Variants in PAF1 observed in about 807,000 individuals in gnomAD.
PAF1 encodes the protein RNA polymerase II-associated factor 1 homolog.
PAF1 carries 31 observed loss-of-function variants against 68.4 expected under a neutral mutation model. The observed-to-expected ratio is 0.45, with a 90% confidence interval of 0.34 to 0.61. The LOEUF is 0.61. PAF1 is among the 20% of genes least tolerant of loss of function. The pLI, the probability that PAF1 is intolerant of heterozygous loss-of-function variation, is 0.01. For missense variants in PAF1, 435 were observed against 692.9 expected (o/e 0.63, Z 4.18); for synonymous variants, 256 against 240.5 (o/e 1.06, Z -0.60).
Position 39,389,957 on chromosome 19 carries a change from G to A in PAF1, c.170+112C>T, listed in dbSNP as rs1280419415. ...TTAACAATTGAGCAGCTACTACTATGTGCTAGGGTAGGTACTGTGCTAGGC... is the reference window on the plus strand; with the variant it reads ...TTAACAATTGAGCAGCTACTACTATATGCTAGGGTAGGTACTGTGCTAGGC... On this transcript the variant is annotated intron_variant, in intron 3 of 13. Coordinates refer to ENST00000221265, the MANE Select transcript of PAF1 (RefSeq NM_019088.4). The surrounding 1 kb of genome is among the most constrained non-coding windows in gnomAD (Gnocchi z 5.3). The A allele has an allele frequency of 5.7e-6, 6 of 1,061,730 alleles. No homozygotes were observed. Among genetic ancestry groups the A allele is most frequent in the Non-Finnish European group, 8.7e-6 (6 of 691,620 alleles). The allele number at this position is 1,061,730 out of a possible 1,614,324, so 65.8% of individuals were successfully genotyped here. A position where few individuals can be genotyped will look rare whatever the true frequency, so the allele number is the denominator to read the frequency against.
At position 39,388,594 on chromosome 19, in the gene PAF1, G is replaced by C. The variant is rs1232388397; in HGVS notation, c.823C>G (p.Gln275Glu). The change falls in exon 10 of 14, where the codon CAG becomes GAG. Residue 275 changes from glutamine to glutamate, a missense_variant. This residue lies in a region of PAF1 where 151 missense variants were observed against 306.3 expected (regional missense o/e 0.49). Coordinates refer to ENST00000221265, the MANE Select transcript of PAF1 (RefSeq NM_019088.4). ...GGTGCATAGTCCATCTCCTCCTCCT[G>C]GTCCCGCTTTCGTTTCTTCAACGTC... ...EETLKKRKRD[Q>E]EEEMDYAPDD... is the part of the protein sequence containing the mutation. The C allele has an allele frequency of 6.2e-7, 1 of 1,613,974 alleles. No homozygotes were observed. The highest frequency in any genetic ancestry group is 1.7e-5 in the Admixed American group (1 of 60,014).
At chr19:39,387,214 G>T in intron 11 of PAF1, 1 of 434,012 alleles carries the variant, frequency 2.3e-6, no homozygotes. Context: ...TACAGCATGT[G>T]ACTGTACTGA....
Position 39,390,261 on chromosome 19 carries a change from T to A in PAF1, c.76A>T (p.Arg26Trp). Residue 26 changes from arginine (R) to tryptophan (W), a missense_variant and splice_region_variant, in exon 2 of 14, where the codon AGG becomes TGG. Arg to Trp is a moderately radical substitution (Grantham distance 101, BLOSUM62 -3). Around this residue, in one of 7 missense-constraint regions of PAF1, gnomAD observed 38 missense variants for 33.9 expected, o/e 1.12. Transcript: ENST00000221265. ...RPNSHRTLPE[R>W]SGVVCRVKYC... Reference sequence around the variant, plus strand: ...CTGGGAAAGCACAGTGGGGCTCACCTCTCAGGCAGAGTCCGGTGGGAATTG... The same window carrying A: ...CTGGGAAAGCACAGTGGGGCTCACCACTCAGGCAGAGTCCGGTGGGAATTG... 2 of 1,613,526 alleles carry A rather than the reference T, an allele frequency of 1.2e-6. No homozygotes were observed. Among genetic ancestry groups the A allele is most frequent in the South Asian group, 1.1e-5 (1 of 91,030 alleles).
chr19:39,386,667 G>C lies in PAF1; in HGVS notation c.1092+27C>G, dbSNP rs2078258200. On this transcript the variant is annotated intron_variant, in intron 12 of 13. Coordinates refer to ENST00000221265, the MANE Select transcript of PAF1 (RefSeq NM_019088.4). The surrounding 1 kb of genome is among the most constrained non-coding windows in gnomAD (Gnocchi z 6.1). ...ACAACCACCACCCTCCCTGCCATGG[G>C]TGCCCTGAGCCAGTGGTGCTTGTTA... 6.3e-7 allele frequency: 1 copy of C among 1,599,488 alleles called. No homozygotes were observed. Among genetic ancestry groups the C allele is most frequent in the Non-Finnish European group, 8.6e-7 (1 of 1,166,672 alleles).
In PAF1 at chr19:39,386,680, G is replaced by T; in HGVS notation, c.1092+14C>A. On this transcript the variant is annotated intron_variant, in intron 12 of 13. Coordinates refer to ENST00000221265, the MANE Select transcript of PAF1 (RefSeq NM_019088.4). This position sits in a 1 kb window ranked among gnomAD's most constrained non-coding sequence, Gnocchi z 6.1. ...TCCCTGCCATGGGTGCCCTGAGCCA[G>T]TGGTGCTTGTTACCTGAGCTTCCAG... The T allele has an allele frequency of 6.2e-7, 1 of 1,607,258 alleles. No homozygotes were observed. Among genetic ancestry groups the T allele is most frequent in the Non-Finnish European group, 8.5e-7 (1 of 1,173,670 alleles).
At position 39,388,586 on chromosome 19, in the gene PAF1, C is replaced by T. The variant is rs779845536; in HGVS notation, c.831G>A (p.Glu277=). The change falls in exon 10 of 14, where the codon GAG becomes GAA. Residue 277 remains glutamate (E), a synonymous_variant. Transcript: ENST00000221265. The part of the protein sequence containing the change: ...TLKKRKRDQE[E]EMDYAPDDVY... ...CATCATCTGGTGCATAGTCCATCTC[C>T]TCCTCCTGGTCCCGCTTTCGTTTCT... 1.9e-6 allele frequency: 3 copies of T among 1,614,052 alleles called. No homozygotes were observed. Among genetic ancestry groups the T allele is most frequent in the African/African-American group, 2.7e-5 (2 of 74,938 alleles).
rs961330342 is a variant in PAF1, at chr19:39,385,671, GAA to G, written c.*318_*319del. On this transcript the variant is annotated 3_prime_UTR_variant, in exon 14 of 14. Transcript: ENST00000221265. ...TGTTTAATGGTCTGGGCTTATTTTG[GAA>G]AAAAAAAAAACAAACAAAAAAAACG... 17 of 447,534 alleles carry G rather than the reference GAA, an allele frequency of 3.8e-5. No individual in the cohort carries two copies. Among genetic ancestry groups the G allele is most frequent in the Middle Eastern group, 5.8e-4 (1 of 1,724 alleles). The allele number at this position is 447,534 out of a possible 1,614,324, so 27.7% of individuals were successfully genotyped here. A position where few individuals can be genotyped will look rare whatever the true frequency, so the allele number is the denominator to read the frequency against.
At chr19:39,387,414 T>G (rs1393710046) in intron 11 of PAF1, among the ~76,000 whole-genome samples, 1 of 152,162 alleles carries the variant, frequency 6.6e-6, no homozygotes, top group Non-Finnish European at 1.5e-5. Flanking sequence ...TGTCAAATCA[T>G]TTGGATTTGG....
rs754420217 is a variant in PAF1, at chr19:39,388,599, C to T, written c.818G>A (p.Arg273Gln). ...PVEETLKKRK[R>Q]DQEEEMDYAP... ...ATAGTCCATCTCCTCCTCCTGGTCC[C>T]GCTTTCGTTTCTTCAACGTCTCTTC... The change falls in exon 10 of 14, where the codon CGG (arginine) becomes CAG (glutamine). Residue 273 changes from arginine (R) to glutamine (Q), a missense_variant. Around this residue, in one of 7 missense-constraint regions of PAF1, gnomAD observed 151 missense variants for 306.3 expected, o/e 0.49. Coordinates refer to ENST00000221265, the MANE Select transcript of PAF1 (RefSeq NM_019088.4). 9 of 1,614,022 alleles carry T rather than the reference C, an allele frequency of 5.6e-6. No individual in the cohort carries two copies. The highest frequency in any genetic ancestry group is 2.2e-5 in the East Asian group (1 of 44,898).
chr19:39,387,021 C>G (rs1432743206), intron 11 of PAF1: 2 of 601,828 alleles, frequency 3.3e-6, no homozygotes, highest in Non-Finnish European at 6.0e-6. Context: ...TTGCCCTACA[C>G]TGTGTGTGTG....
intron 11 of PAF1, among the ~76,000 whole-genome samples, chr19:39,387,657 G>A (rs1437497773): frequency 6.6e-6 from 1 of 152,230 alleles, no homozygotes; most frequent in Non-Finnish European, 1.5e-5. Flanking sequence ...AGTAAACTTT[G>A]AGCCATAAGG....
chr19:39,391,097 C>T lies in PAF1; in HGVS notation c.-233G>A. 1.6e-6 allele frequency: 1 copy of T among 634,090 alleles called. No individual in the cohort carries two copies. The highest frequency in any genetic ancestry group is 2.7e-6 in the Non-Finnish European group (1 of 369,394). 39.3% of individuals were successfully genotyped at this position (634,090 alleles called of 1,614,324 possible). Reference sequence around the variant, plus strand: ...GAAGCTCCGGTTCCACCAACTGCCGCCAAGACGCTGAGGACCCAACGGGTC... The same window carrying T: ...GAAGCTCCGGTTCCACCAACTGCCGTCAAGACGCTGAGGACCCAACGGGTC... On this transcript the variant is annotated 5_prime_UTR_variant, in exon 1 of 14. Coordinates refer to ENST00000221265, the MANE Select transcript of PAF1 (RefSeq NM_019088.4).
chr19:39,390,943 G>T lies in PAF1; in HGVS notation c.-79C>A. The stretch of plus-strand genomic sequence containing the variant: ...GCAGAGGGGCGTGCCGACTTCAGGG[G>T]ACGCCTGATCCGAGGAAGGCCCAGC... On this transcript the variant is annotated 5_prime_UTR_variant, in exon 1 of 14. Transcript: ENST00000221265. 1.4e-6 allele frequency: 2 copies of T among 1,416,602 alleles called. No individual in the cohort carries two copies. Among genetic ancestry groups the T allele is most frequent in the Non-Finnish European group, 9.7e-7 (1 of 1,033,404 alleles). 87.8% of individuals were successfully genotyped at this position (1,416,602 alleles called of 1,614,324 possible).
Position 39,388,936 on chromosome 19 carries a change from T to C in PAF1, c.636+11A>G, listed in dbSNP as rs770892204. 1 of 1,613,982 alleles carries C rather than the reference T, an allele frequency of 6.2e-7. No homozygotes were observed. Among genetic ancestry groups the C allele is most frequent in the South Asian group, 1.1e-5 (1 of 91,074 alleles). On this transcript the variant is annotated intron_variant, in intron 8 of 13. Transcript: ENST00000221265. ...AGGCTGTCCCTTTCTACCTCCCACC[T>C]TGGGCCTGACCTTAAAGTCTGGGAA...
At position 39,391,070 on chromosome 19, in the gene PAF1, T is replaced by C; in HGVS notation, c.-206A>G. 6 of 631,724 alleles carry C rather than the reference T, an allele frequency of 9.5e-6. No individual in the cohort carries two copies. Among genetic ancestry groups the C allele is most frequent in the Non-Finnish European group, 5.4e-6 (2 of 367,592 alleles). The allele number at this position is 631,724 out of a possible 1,614,324, so 39.1% of individuals were successfully genotyped here. ...CGCGCAGGCAGCACCGGGGACGGAC[T>C]CGAAGCTCCGGTTCCACCAACTGCC... is the stretch of plus-strand genomic sequence containing the variant. On this transcript the variant is annotated 5_prime_UTR_variant, in exon 1 of 14. Transcript: ENST00000221265.
chr19:39,385,958 T>C lies in PAF1; in HGVS notation c.*33A>G. 6.2e-7 allele frequency: 1 copy of C among 1,611,300 alleles called. No homozygotes were observed. Among genetic ancestry groups the C allele is most frequent in the Non-Finnish European group, 8.5e-7 (1 of 1,179,942 alleles). ...AAAAGTGCTTTGCTGCTCACAATAA[T>C]GGTGTCTGAACCAGCCCTGAATGCC... On this transcript the variant is annotated 3_prime_UTR_variant, in exon 14 of 14. Coordinates refer to ENST00000221265, the MANE Select transcript of PAF1 (RefSeq NM_019088.4).
intron 1 of PAF1, 77 bp downstream of exon 1, chr19:39,390,741 G>A (rs1278079759): frequency 9.7e-6 from 14 of 1,449,446 alleles, no homozygotes; most frequent in Non-Finnish European, 1.2e-5. Context: ...GGGCAGACCT[G>A]GGGGCTGGTG....
Position 39,389,433 on chromosome 19 carries a change from A to G in PAF1, c.359+47T>C, listed in dbSNP as rs533677311. The G allele has an allele frequency of 3.7e-5, 59 of 1,611,966 alleles. No homozygotes were observed. In the Middle Eastern group the frequency reaches 4.9e-4, roughly 14 times the overall value. ...AGGACCCCACTGCCCTCCTGCTTGT[A>G]GGGCCCACCTGAGCCAGTCTCCAGT... On this transcript the variant is annotated intron_variant, in intron 5 of 13. Coordinates refer to ENST00000221265, the MANE Select transcript of PAF1 (RefSeq NM_019088.4). The surrounding 1 kb of genome is among the most constrained non-coding windows in gnomAD (Gnocchi z 5.3).
intron 11 of PAF1, among the ~76,000 whole-genome samples, chr19:39,387,912 C>G (rs1265484258): frequency 6.6e-6 from 1 of 152,126 alleles, no homozygotes; most frequent in Non-Finnish European, 1.5e-5. Context: ...CCGAGGCAGG[C>G]AGATCACCTG....
Sources: allele counts gnomAD v4.1 joint callset (sites outside exome capture counted in the v4.1 genomes callset), GRCh38; gene constraint gnomAD v4.1.1; regional missense constraint gnomAD v4.1.1; non-coding constraint Gnocchi (gnomAD v3.1); transcripts MANE v1.5; gene names NCBI Gene and HGNC (gene_info 2026-07-23, HGNC 2026-07-21).